UNC5D: variants seen among roughly 807,000 people sequenced by gnomAD.
The protein encoded by UNC5D is unc-5 netrin receptor D, also known as netrin receptor UNC5D.
Under a neutral mutation model 105.4 loss-of-function variants are expected in UNC5D, and 39 were observed. The ratio of observed to expected loss-of-function variants is 0.37; its 90% CI spans 0.29 to 0.48. The LOEUF (loss-of-function observed/expected upper bound fraction) is 0.48. Ranked by LOEUF, UNC5D falls within the 20% of genes least tolerant of loss-of-function variation. UNC5D has a pLI of 0.98. For missense variants in UNC5D, 991 were observed against 1,202.4 expected (o/e 0.82, Z 2.60); for synonymous variants, 452 against 450.4 (o/e 1.00, Z -0.04).
At chr8:35,305,810 T>C (rs1383827803) in intron 1 of UNC5D, among the ~76,000 whole-genome samples, 5 of 149,902 alleles carry the variant, frequency 3.3e-5, no homozygotes, top group Non-Finnish European at 5.9e-5. Flanking sequence ...CTTTTCTTTC[T>C]TTCTCTCTTT....
At chr8:35,557,078 T>G (rs553645882) in intron 2 of UNC5D, among the ~76,000 whole-genome samples, 1 of 152,216 alleles carries the variant, frequency 6.6e-6, no homozygotes, top group South Asian at 2.1e-4. Flanking sequence ...TTGCCCACCA[T>G]GTTGTGAGTG....
intron 14 of UNC5D, among the ~76,000 whole-genome samples, chr8:35,765,395 G>A (rs1003723867): frequency 2.2e-4 from 33 of 152,164 alleles, no homozygotes; most frequent in Non-Finnish European, 4.6e-4. Context: ...CCTGCCTATA[G>A]ACCTTCTCTA....
chr8:35,487,593 A>ACACACACACACACACACACACACCCC (rs1415748793), intron 1 of UNC5D, among the ~76,000 whole-genome samples: 1 of 150,472 alleles, frequency 6.6e-6, no homozygotes, highest in African/African-American at 2.5e-5. Context: ...ACACACACAC[A>ACACACACACACACACACACACACCCC]CCCCACAGAC....
chr8:35,535,437 GT>G (rs111304147), intron 1 of UNC5D, among the ~76,000 whole-genome samples: 99 of 142,492 alleles, frequency 6.9e-4, no homozygotes, highest in Middle Eastern at 3.5e-3. Flanking sequence ...TGTTGTTGCT[GT>G]TTTTTTTTTT....
chr8:35,766,940 G>A lies in UNC5D; in HGVS notation c.2352G>A (p.Gln784=), dbSNP rs770213984. The A allele has an allele frequency of 8.1e-6, 13 of 1,613,840 alleles. No homozygotes were observed. In the Middle Eastern group the frequency reaches 6.6e-4, roughly 82 times the overall value. The change falls in exon 15 of 17, where the codon CAG becomes CAA. Residue 784 remains glutamine (Q), a synonymous_variant. Transcript: ENST00000404895. ...CCCGCGTGTGGTGCAGTAACCGGCAGCCCCTGCACTGTGCCTTCTCCCTGG... is the reference window on the plus strand; with the variant it reads ...CCCGCGTGTGGTGCAGTAACCGGCAACCCCTGCACTGTGCCTTCTCCCTGG... ...PFSRVWCSNR[Q]PLHCAFSLER...
intron 1 of UNC5D, among the ~76,000 whole-genome samples, chr8:35,406,833 C>G (rs940052784): frequency 1.3e-5 from 2 of 152,012 alleles, no homozygotes; most frequent in African/African-American, 4.8e-5. Flanking sequence ...GTTTTGTTTT[C>G]CAGTTTTATG....
intron 1 of UNC5D, among the ~76,000 whole-genome samples, chr8:35,313,238 T>G (rs1809031966): frequency 6.6e-6 from 1 of 152,190 alleles, no homozygotes; most frequent in Non-Finnish European, 1.5e-5. Flanking sequence ...ATATTTATCT[T>G]CAAGGAGATA....
At chr8:35,715,451 A>G (rs188832357) in intron 8 of UNC5D, among the ~76,000 whole-genome samples, 5 of 152,322 alleles carry the variant, frequency 3.3e-5, no homozygotes, top group African/African-American at 9.6e-5. Context: ...CTAATCTTAT[A>G]TATGTATTAC....
At chr8:35,293,822 C>A (rs1563287512) in intron 1 of UNC5D, among the ~76,000 whole-genome samples, 1 of 152,164 alleles carries the variant, frequency 6.6e-6, no homozygotes, top group Non-Finnish European at 1.5e-5. Context: ...ATAGTGTTGA[C>A]AATTCTCTCC....
intron 1 of UNC5D, among the ~76,000 whole-genome samples, chr8:35,465,218 C>G (rs1399233601): frequency 2.0e-5 from 3 of 152,190 alleles, no homozygotes; most frequent in Non-Finnish European, 4.4e-5. Flanking sequence ...TGGCAAAACA[C>G]TGTCTATGCA....
At chr8:35,404,500 A>T (rs1335007535) in intron 1 of UNC5D, among the ~76,000 whole-genome samples, 3 of 152,156 alleles carry the variant, frequency 2.0e-5, no homozygotes, top group Non-Finnish European at 4.4e-5. Flanking sequence ...GTCATCTAGG[A>T]GATTATTAGA....
intron 11 of UNC5D, among the ~76,000 whole-genome samples, chr8:35,747,922 A>G (rs1240854231): frequency 6.6e-6 from 1 of 152,236 alleles, no homozygotes; most frequent in Non-Finnish European, 1.5e-5. Flanking sequence ...ACATTTATGT[A>G]TGATATTATG....
intron 1 of UNC5D, among the ~76,000 whole-genome samples, chr8:35,432,718 G>T (rs1330223026): frequency 6.6e-6 from 1 of 152,094 alleles, no homozygotes; most frequent in Admixed American, 6.6e-5. Flanking sequence ...TATCTTACTT[G>T]CACGGATATA....
chr8:35,271,039 G>T (rs1335085549), intron 1 of UNC5D, among the ~76,000 whole-genome samples: 1 of 151,490 alleles, frequency 6.6e-6, no homozygotes, highest in Non-Finnish European at 1.5e-5. Context: ...ATATATACAT[G>T]TCACAGTAAT....
rs1178328257 is a variant in UNC5D, at chr8:35,532,953, T to C, written c.104-16339T>C. ...TATTCTAGTTATACATTCTTCTAAATTTTTTTCAAAGTTTTCAACTTCTTT... is the reference window on the plus strand; with the variant it reads ...TATTCTAGTTATACATTCTTCTAAACTTTTTTCAAAGTTTTCAACTTCTTT... On this transcript the variant is annotated intron_variant, in intron 1 of 16. Coordinates refer to ENST00000404895, the MANE Select transcript of UNC5D (RefSeq NM_080872.4). Among the ~76,000 whole-genome samples the C allele has an allele frequency of 8.2e-4, 110 of 133,646 alleles. 3 individuals carry two copies. In the South Asian group the frequency reaches 0.026, roughly 31 times the overall value. 87.7% of individuals were successfully genotyped at this position (133,646 alleles called of 152,430 possible). A position where few individuals can be genotyped will look rare whatever the true frequency, so the allele number is the denominator to read the frequency against.
chr8:35,739,493 A>G (rs1221519195), intron 11 of UNC5D, among the ~76,000 whole-genome samples: 1 of 152,204 alleles, frequency 6.6e-6, no homozygotes, highest in East Asian at 1.9e-4. Context: ...TTAATGATTG[A>G]GTGCATTTGA....
intron 1 of UNC5D, among the ~76,000 whole-genome samples, chr8:35,536,968 T>G (rs1203127317): frequency 6.6e-6 from 1 of 151,918 alleles, no homozygotes; most frequent in Non-Finnish European, 1.5e-5. Context: ...TGCACTCCAG[T>G]CTGGGTGACA....
chr8:35,439,857 C>G (rs1295244044), intron 1 of UNC5D, among the ~76,000 whole-genome samples: 3 of 151,866 alleles, frequency 2.0e-5, no homozygotes, highest in Non-Finnish European at 4.4e-5. Context: ...GTGTCTATAC[C>G]TTTACTGAAT....
intron 1 of UNC5D, among the ~76,000 whole-genome samples, chr8:35,347,533 C>CA (rs1811892977): frequency 6.6e-6 from 1 of 151,966 alleles, no homozygotes; most frequent in South Asian, 2.1e-4. Flanking sequence ...GCCATAATTG[C>CA]AAAACCATAA....
Sources: gnomAD v4.1 joint callset for allele counts (sites outside exome capture counted in the v4.1 genomes callset) on GRCh38, gnomAD v4.1.1 for gene constraint, MANE v1.5 for transcripts, NCBI Gene and HGNC (gene_info 2026-07-23, HGNC 2026-07-21) for gene names.